CCDC74A: variants seen among roughly 807,000 people sequenced by gnomAD.
CCDC74A encodes coiled-coil domain-containing protein 74A.
A neutral mutation model predicts 37.6 loss-of-function variants in CCDC74A; 38 were observed. That is an observed-to-expected ratio of 1.01 (90% CI 0.78 to 1.33). The LOEUF (loss-of-function observed/expected upper bound fraction) is 1.33. Ranked by LOEUF, CCDC74A falls within the 40% of genes most tolerant of loss-of-function variation. The pLI is 0.00. For missense variants in CCDC74A, 340 were observed against 403.4 expected (o/e 0.84, Z 1.35); for synonymous variants, 134 against 165.2 (o/e 0.81, Z 1.45).
Position 131,532,552 on chromosome 2 carries a change from G to A in CCDC74A, c.486-37G>A. The stretch of plus-strand genomic sequence containing the variant: ...CTGGGTGGGTGGTTAGACGCACCTG[G>A]GCAGGTCACCTCTGGCTGCTGCAAT... On this transcript the variant is annotated intron_variant, in intron 4 of 7. Transcript: ENST00000409856. 3 of 1,522,484 alleles carry A rather than the reference G, an allele frequency of 2.0e-6. No individual in the cohort carries two copies. In the South Asian group the frequency reaches 4.0e-5, roughly 20 times the overall value. 94.3% of individuals were successfully genotyped at this position (1,522,484 alleles called of 1,614,324 possible). A position where few individuals can be genotyped will look rare whatever the true frequency, so the allele number is the denominator to read the frequency against.
rs937253959 is a variant in CCDC74A, at chr2:131,529,541, G to A, written c.251-106G>A. On this transcript the variant is annotated intron_variant, in intron 1 of 7. Coordinates refer to ENST00000409856, the MANE Select transcript of CCDC74A (RefSeq NM_001258306.3). The stretch of plus-strand genomic sequence containing the variant: ...GGCAGGGCCCAATCAGCCAGTGGGG[G>A]GGCAGGACTTTTGGGCTCAGCAGCC... The A allele has an allele frequency of 6.8e-6, 10 of 1,469,032 alleles. No homozygotes were observed. The East Asian group carries it at 1.1e-4, about 17-fold the overall frequency. The allele number at this position is 1,469,032 out of a possible 1,614,324, so 91.0% of individuals were successfully genotyped here.
At chr2:131,523,059 C>T (rs1390183478), upstream of CCDC74A, among the ~76,000 whole-genome samples, 2 of 152,148 alleles carry the variant, frequency 1.3e-5, no homozygotes, top group Non-Finnish European at 2.9e-5. Flanking sequence ...CATGCGCCAC[C>T]GCACCCTGCT....
chr2:131,530,461 G>T (rs1260394178), intron 2 of CCDC74A: 2 of 1,542,832 alleles, frequency 1.3e-6, no homozygotes, highest in South Asian at 1.2e-5. Context: ...GGCAAAGTGT[G>T]GCCCAAGTCG....
At chr2:131,525,945 C>T (rs1559392799), upstream of CCDC74A, among the ~76,000 whole-genome samples, 1 of 150,506 alleles carries the variant, frequency 6.6e-6, no homozygotes, top group African/African-American at 2.4e-5. Context: ...GTCTCGATCT[C>T]CTGACCTCGT....
At chr2:131,528,657 A>C in intron 1 of CCDC74A, 1 of 525,006 alleles carries the variant, frequency 1.9e-6, no homozygotes, top group East Asian at 5.0e-5. Context: ...AAAAATACAA[A>C]ACAATTAGCT....
At chr2:131,532,970 G>A in intron 6 of CCDC74A, 33 bp downstream of exon 6, 1 of 1,613,942 alleles carries the variant, frequency 6.2e-7, no homozygotes, top group Non-Finnish European at 8.5e-7. Flanking sequence ...CCCCATCCCT[G>A]GGGTCCTATC....
upstream of CCDC74A, among the ~76,000 whole-genome samples, chr2:131,526,399 G>A (rs140055079): frequency 0.015 from 2,334 of 152,150 alleles, 37 homozygotes; most frequent in Middle Eastern, 0.041. Flanking sequence ...TGCCCAACTT[G>A]GCCTCCCAAA....
At chr2:131,525,177 A>G (rs1374337977), upstream of CCDC74A, among the ~76,000 whole-genome samples, 3 of 152,232 alleles carry the variant, frequency 2.0e-5, no homozygotes, top group Non-Finnish European at 4.4e-5. Context: ...TTAAAAAAAA[A>G]TAAAGATTAT....
At chr2:131,527,793 C>T (rs151011970), upstream of CCDC74A, 1,934 of 787,762 alleles carry the variant, frequency 2.5e-3, 26 homozygotes, top group African/African-American at 0.032. Context: ...CGGCGCCCAG[C>T]CCTGGATGCC....
chr2:131,529,704 C>T lies in CCDC74A; in HGVS notation c.295+13C>T, dbSNP rs755726356. On this transcript the variant is annotated intron_variant, in intron 2 of 7. Coordinates refer to ENST00000409856, the MANE Select transcript of CCDC74A (RefSeq NM_001258306.3). ...TCACAGAAGAAAGGTGAGAACTGGG[C>T]CCTTCAGTGACTGATGGGATGCTCT... 6 of 1,613,474 alleles carry T rather than the reference C, an allele frequency of 3.7e-6. No individual in the cohort carries two copies. The highest frequency in any genetic ancestry group is 2.5e-6 in the Non-Finnish European group (3 of 1,179,470).
intron 3 of CCDC74A, 93 bp downstream of exon 3, chr2:131,530,920 C>A (rs1439607437): frequency 1.3e-6 from 2 of 1,543,496 alleles, no homozygotes; most frequent in Admixed American, 1.9e-5. Context: ...CAGGCGCCCT[C>A]TGCTGGGCCA....
upstream of CCDC74A, among the ~76,000 whole-genome samples, chr2:131,527,386 C>A (rs1358737927): frequency 1.3e-5 from 2 of 152,208 alleles, no homozygotes; most frequent in Non-Finnish European, 2.9e-5. Flanking sequence ...CCGCCTTAGC[C>A]TCCCGAGCAG....
upstream of CCDC74A, among the ~76,000 whole-genome samples, chr2:131,523,577 AGATCGC>A (rs1680200595): frequency 6.6e-6 from 1 of 152,164 alleles, no homozygotes; most frequent in Non-Finnish European, 1.5e-5. Flanking sequence ...CAGTAAGCCG[AGATCGC>A]ACCACTGTAC....
chr2:131,533,189 G>A (rs969608267), intron 7 of CCDC74A, 80 bp from the exon 8 acceptor site: 14 of 1,607,472 alleles, frequency 8.7e-6, no homozygotes, highest in Admixed American at 3.4e-5. Context: ...CTGTGCCCCC[G>A]TGAGGGCCAT....
At chr2:131,533,155 G>A in intron 7 of CCDC74A, 86 bp downstream of exon 7, 1 of 1,609,966 alleles carries the variant, frequency 6.2e-7, no homozygotes, top group Non-Finnish European at 8.5e-7. Context: ...TGGCAGCGCA[G>A]AAGCAGAGCT....
chr2:131,529,548 A>C, intron 1 of CCDC74A, 99 bp from the exon 2 acceptor site: 1 of 1,523,650 alleles, frequency 6.6e-7, no homozygotes, highest in Non-Finnish European at 9.1e-7. Context: ...GGGGGGCAGG[A>C]CTTTTGGGCT....
In CCDC74A at chr2:131,530,512, C is replaced by T. The variant is rs560913844; in HGVS notation, c.296-265C>T. 2.5e-5 allele frequency: 39 copies of T among 1,575,804 alleles called. 1 individual carries two copies. The highest frequency in any genetic ancestry group is 5.7e-5 in the South Asian group (5 of 86,970). ...CAGTGCTGGGGACGCTGACAGGACA[C>T]GGGAAGAGGCCATGCTTTCCCTCGG... On this transcript the variant is annotated intron_variant, in intron 2 of 7. Transcript: ENST00000409856.
chr2:131,525,116 A>G (rs1261077952), upstream of CCDC74A, among the ~76,000 whole-genome samples: 2 of 152,166 alleles, frequency 1.3e-5, no homozygotes, highest in Non-Finnish European at 1.5e-5. Flanking sequence ...TCCATAAACC[A>G]TAATTACTGA....
Position 131,528,371 on chromosome 2 carries a change from C to A in CCDC74A, c.250+151C>A, listed in dbSNP as rs760971042. 1.4e-5 allele frequency: 22 copies of A among 1,548,988 alleles called. No homozygotes were observed. The African/African-American group carries it at 2.6e-4, about 18-fold the overall frequency. ...GGTAAGCCCGCCCTGCCACGCTGAG[C>A]TGTCCCCTCCTCCCAGAGGGAGACC... On this transcript the variant is annotated intron_variant, in intron 1 of 7. Coordinates refer to ENST00000409856, the MANE Select transcript of CCDC74A (RefSeq NM_001258306.3).
Sources: allele counts gnomAD v4.1 joint callset (sites outside exome capture counted in the v4.1 genomes callset), GRCh38; gene constraint gnomAD v4.1.1; transcripts MANE v1.5; gene names NCBI Gene and HGNC (gene_info 2026-07-23, HGNC 2026-07-21).